SNRK: variants seen among roughly 807,000 people sequenced by gnomAD.
SNRK encodes SNF related kinase, also known as SNF-related serine/threonine-protein kinase.
Under a neutral mutation model 48.2 loss-of-function variants are expected in SNRK, and 3 were observed. The ratio of observed to expected loss-of-function variants is 0.06; its 90% CI spans 0.03 to 0.16. The LOEUF is 0.16. Among genes scored for constraint, SNRK ranks in the 10% least tolerant of loss-of-function variants. The pLI is 1.00. For synonymous variants in SNRK, 376 were observed against 366.1 expected, an observed-to-expected ratio of 1.03 and a Z score of -0.31; for missense variants, 627 against 976.0, an observed-to-expected ratio of 0.64 and a Z score of 4.76.
intron 5 of SNRK, among the ~76,000 whole-genome samples, chr3:43,342,386 A>C (rs2091244154): frequency 6.6e-6 from 1 of 151,710 alleles, no homozygotes; most frequent in African/African-American, 2.4e-5. Flanking sequence ...ACCCAAGCCA[A>C]CTCCTGTATT....
intron 3 of SNRK, among the ~76,000 whole-genome samples, chr3:43,304,706 A>G (rs2090924016): frequency 6.6e-6 from 1 of 152,048 alleles, no homozygotes; most frequent in African/African-American, 2.4e-5. Context: ...ATGTATGAGT[A>G]TTCTGCTTGC....
chr3:43,287,340 G>A (rs1439530602), intron 1 of SNRK, among the ~76,000 whole-genome samples: 2 of 152,178 alleles, frequency 1.3e-5, no homozygotes, highest in Non-Finnish European at 2.9e-5. Flanking sequence ...CCATTTTACA[G>A]GGACCTTCCT....
chr3:43,299,413 T>C (rs371109264), intron 1 of SNRK, among the ~76,000 whole-genome samples: 1 of 152,130 alleles, frequency 6.6e-6, no homozygotes, highest in East Asian at 1.9e-4. Context: ...CCTGACCTCA[T>C]GATCCACCTG....
intron 1 of SNRK, among the ~76,000 whole-genome samples, chr3:43,297,930 T>C (rs2090869034): frequency 6.6e-6 from 1 of 152,104 alleles, no homozygotes; most frequent in South Asian, 2.1e-4. Context: ...GTCTATCTTA[T>C]GAAAGCAAAA....
chr3:43,334,953 A>T (rs932025409), intron 4 of SNRK, among the ~76,000 whole-genome samples: 1 of 146,168 alleles, frequency 6.8e-6, no homozygotes, highest in Non-Finnish European at 1.5e-5. Flanking sequence ...TGTCCTTTTT[A>T]ATTTCAATAG....
chr3:43,348,340 A>G lies in SNRK; in HGVS notation c.2081A>G (p.Asn694Ser), dbSNP rs1236390386. 6.2e-7 allele frequency: 1 copy of G among 1,611,484 alleles called. No homozygotes were observed. The highest frequency in any genetic ancestry group is 8.5e-7 in the Non-Finnish European group (1 of 1,178,664). ...TWKMCISSTG[N>S]AGQVPAVGGI... ...AAAATGTGCATTAGCTCCACAGGGA[A>G]TGCAGGGCAGGTCCCTGCAGTGGGC... The change falls in exon 7 of 7, where the codon AAT becomes AGT. Residue 694 changes from asparagine to serine, a missense_variant. Coordinates refer to ENST00000296088, the MANE Select transcript of SNRK (RefSeq NM_017719.5).
rs975127297 is a variant in SNRK at position 43,348,971 on chromosome 3, C to T, written c.*414C>T. The T allele has an allele frequency of 1.3e-5, 2 of 155,884 alleles. No homozygotes were observed. Among genetic ancestry groups the T allele is most frequent in the Non-Finnish European group, 2.8e-5 (2 of 70,296 alleles). The allele number at this position is 155,884 out of a possible 1,614,324, so 9.7% of individuals were successfully genotyped here. ...AACCCTAGGCTCTGAGACACACTCT[C>T]TGGTGTCTGAGACAGAACCAAAGCA... On this transcript the variant is annotated 3_prime_UTR_variant, in exon 7 of 7. Coordinates refer to ENST00000296088, the MANE Select transcript of SNRK (RefSeq NM_017719.5).
intron 3 of SNRK, among the ~76,000 whole-genome samples, chr3:43,327,505 AAAAG>A: frequency 6.6e-6 from 1 of 152,212 alleles, no homozygotes; most frequent in Non-Finnish European, 1.5e-5. Flanking sequence ...CTATACTGAT[AAAAG>A]AAAGCTGATA....
chr3:43,315,737 G>A (rs899223330), intron 3 of SNRK, among the ~76,000 whole-genome samples: 6 of 152,196 alleles, frequency 3.9e-5, no homozygotes, highest in Admixed American at 6.5e-5. Context: ...CACAAACTGC[G>A]TTGCAGCCTG....
chr3:43,314,446 T>C (rs146246088), intron 3 of SNRK, among the ~76,000 whole-genome samples: 104 of 152,288 alleles, frequency 6.8e-4, no homozygotes, highest in African/African-American at 2.4e-3. Context: ...CTGTTTCTTA[T>C]CATTTGTATA....
intron 3 of SNRK, among the ~76,000 whole-genome samples, chr3:43,307,129 A>T (rs182732358): frequency 2.6e-5 from 4 of 152,150 alleles, no homozygotes; most frequent in Non-Finnish European, 5.9e-5. Context: ...GTAGTCTTCT[A>T]TTCTCATCTG....
At chr3:43,345,503 G>A (rs1311592535) in intron 6 of SNRK, among the ~76,000 whole-genome samples, 2 of 152,204 alleles carry the variant, frequency 1.3e-5, no homozygotes, top group Non-Finnish European at 2.9e-5. Flanking sequence ...CAGTTGAGAT[G>A]AGTGGTTAAC....
At chr3:43,326,714 T>G (rs2091099390) in intron 3 of SNRK, among the ~76,000 whole-genome samples, 1 of 152,022 alleles carries the variant, frequency 6.6e-6, no homozygotes, top group Non-Finnish European at 1.5e-5. Context: ...TCTCCTAAGT[T>G]TAGACTGTAC....
chr3:43,296,388 G>A (rs1001025915), intron 1 of SNRK, among the ~76,000 whole-genome samples: 1 of 121,876 alleles, frequency 8.2e-6, no homozygotes, highest in African/African-American at 3.6e-5. Flanking sequence ...TCAACTTTTA[G>A]TTGTTTGTAT....
chr3:43,290,027 G>A (rs2090798555), intron 1 of SNRK, among the ~76,000 whole-genome samples: 2 of 152,186 alleles, frequency 1.3e-5, no homozygotes, highest in African/African-American at 4.8e-5. Context: ...TGTAGGTTAT[G>A]ACAAAAATGC....
At chr3:43,313,601 A>C (rs938045406) in intron 3 of SNRK, among the ~76,000 whole-genome samples, 2 of 152,290 alleles carry the variant, frequency 1.3e-5, no homozygotes, top group East Asian at 1.9e-4. Flanking sequence ...GTGATGGAGC[A>C]CTTCTGTGTC....
intron 3 of SNRK, among the ~76,000 whole-genome samples, chr3:43,317,589 ATC>A (rs1448951181): frequency 6.6e-6 from 1 of 152,146 alleles, no homozygotes; most frequent in African/African-American, 2.4e-5. Context: ...AAAGATTGGC[ATC>A]TCCATTTCTT....
At chr3:43,295,287 A>G (rs538496429) in intron 1 of SNRK, among the ~76,000 whole-genome samples, 1 of 152,356 alleles carries the variant, frequency 6.6e-6, no homozygotes, top group East Asian at 1.9e-4. Context: ...GCAAATAAAG[A>G]TTACTTAAAC....
At chr3:43,339,840 T>C (rs1365314845) in intron 4 of SNRK, among the ~76,000 whole-genome samples, 1 of 61,820 alleles carries the variant, frequency 1.6e-5, no homozygotes, top group African/African-American at 9.2e-5. Flanking sequence ...TATATATATA[T>C]ATATATATAT....
Sources: allele counts gnomAD v4.1 joint callset (sites outside exome capture counted in the v4.1 genomes callset), GRCh38; gene constraint gnomAD v4.1.1; transcripts MANE v1.5; gene names NCBI Gene and HGNC (gene_info 2026-07-23, HGNC 2026-07-21).